The following ENSA variants were observed in gnomAD, a reference collection of about 807,000 sequenced individuals.
ENSA encodes endosulfine alpha, also known as alpha-endosulfine.
A neutral mutation model predicts 16.8 loss-of-function variants in ENSA; 7 were observed. The ratio of observed to expected loss-of-function variants is 0.42; its 90% confidence interval spans 0.24 to 0.78. The LOEUF (loss-of-function observed/expected upper bound fraction) is 0.78, where lower values mean the gene tolerates loss of function less well. Ranked by LOEUF, ENSA falls within the 30% of genes least tolerant of loss-of-function variation. ENSA has a pLI of 0.29. For synonymous variants in ENSA, 58 were observed against 53.4 expected (o/e 1.09, Z -0.37); for missense variants, 87 against 142.3 (o/e 0.61, Z 1.98).
intron 3 of ENSA, chr1:150,623,453 G>A: frequency 1.0e-6 from 1 of 985,802 alleles, no homozygotes; most frequent in Non-Finnish European, 1.2e-6. Flanking sequence ...GAGAGACAGA[G>A]TGAGACCAAC....
rs376642323 is a variant in ENSA at position 150,629,401 on chromosome 1, C to T, written c.57+13G>A. On this transcript the variant is annotated intron_variant, in intron 1 of 3. Coordinates refer to ENST00000369014, the MANE Select transcript of ENSA (RefSeq NM_004436.4). ...TCTCCCCAGCTCGCCCGCCCGCACC[C>T]CTTCCACTTCACCTGCTTCTCCTCG... 1.1e-5 allele frequency: 17 copies of T among 1,612,236 alleles called. No individual in the cohort carries two copies. Among genetic ancestry groups the T allele is most frequent in the Non-Finnish European group, 1.4e-5 (17 of 1,179,044 alleles).
chr1:150,627,010 T>C (rs1649378683), intron 2 of ENSA: 1 of 1,104,910 alleles, frequency 9.1e-7, no homozygotes, highest in South Asian at 2.9e-5. Flanking sequence ...GTATAATTAA[T>C]GGCTGGTGCT....
chr1:150,625,455 C>G, intron 3 of ENSA, 187 bp downstream of exon 3: 2 of 1,311,518 alleles, frequency 1.5e-6, no homozygotes, highest in Non-Finnish European at 1.9e-6. Flanking sequence ...AAGTGTCAAT[C>G]TAACGAAATA....
rs1182064145 is a variant in ENSA at position 150,622,228 on chromosome 1, CCA to C, written c.*614_*615del. 4 of 152,202 alleles carry C rather than the reference CCA, an allele frequency of 2.6e-5. No homozygotes were observed. The highest frequency in any genetic ancestry group is 5.9e-5 in the Non-Finnish European group (4 of 68,052). 9.4% of individuals were successfully genotyped at this position (152,202 alleles called of 1,614,324 possible). ...TCCCCACGCTCACGGCTCCTTTCTC[CCA>C]CACTCACTGCCCTTCTTCCCACAGC... is the stretch of plus-strand genomic sequence containing the variant. On this transcript the variant is annotated 3_prime_UTR_variant, in exon 4 of 4. Coordinates refer to ENST00000369014, the MANE Select transcript of ENSA (RefSeq NM_004436.4).
chr1:150,627,446 G>C (rs1276977316), intron 2 of ENSA, 21 bp downstream of exon 2: 1 of 1,614,222 alleles, frequency 6.2e-7, no homozygotes, highest in African/African-American at 1.3e-5. Flanking sequence ...AAGAAAGAGG[G>C]TAAGAGACTA....
At chr1:150,629,250 G>A (rs767953285) in intron 1 of ENSA, 164 bp downstream of exon 1, 5 of 1,517,930 alleles carry the variant, frequency 3.3e-6, no homozygotes, top group East Asian at 4.5e-5. Context: ...CAACTAACCA[G>A]CGCCAAAGCA....
chr1:150,629,556 T>G lies in ENSA; in HGVS notation c.-86A>C, dbSNP rs1000836365. 58 of 1,521,260 alleles carry G rather than the reference T, an allele frequency of 3.8e-5. No individual in the cohort carries two copies. The highest frequency in any genetic ancestry group is 5.0e-5 in the Non-Finnish European group (56 of 1,119,736). 94.2% of individuals were successfully genotyped at this position (1,521,260 alleles called of 1,614,324 possible). On this transcript the variant is annotated 5_prime_UTR_variant, in exon 1 of 4. Coordinates refer to ENST00000369014, the MANE Select transcript of ENSA (RefSeq NM_004436.4). ...GAGGGGAAACGGGGACAACCTGCGC[T>G]GCTGCTTCGGCTCCTGTCACTAGGG... is the stretch of plus-strand genomic sequence containing the variant.
Position 150,622,834 on chromosome 1 carries a change from C to G in ENSA, c.*10G>C. The G allele has an allele frequency of 6.4e-7, 1 of 1,559,740 alleles. No individual in the cohort carries two copies. Among genetic ancestry groups the G allele is most frequent in the Non-Finnish European group, 8.7e-7 (1 of 1,151,852 alleles). Reference sequence around the variant, plus strand: ...AAGCGTCTCAGGATCTGGCAGAGCCCCGGGCAGCATCATTCAACTTGGCCA... The same window carrying G: ...AAGCGTCTCAGGATCTGGCAGAGCCGCGGGCAGCATCATTCAACTTGGCCA... On this transcript the variant is annotated 3_prime_UTR_variant, in exon 4 of 4. Transcript: ENST00000369014.
At position 150,626,740 on chromosome 1, in the gene ENSA, T is replaced by C. The variant is rs587738131; in HGVS notation, c.183+727A>G. 9.2e-4 allele frequency among the ~76,000 whole-genome samples: 140 copies of C among 152,288 alleles called. 1 individual carries two copies. The highest frequency in any genetic ancestry group is 3.3e-3 in the African/African-American group (137 of 41,556). ...CCCGGCTAAGTGTTTGTATTATTAA[T>C]AGAGACGGGGTTTCACTATGGTCTC... On this transcript the variant is annotated intron_variant, in intron 2 of 3. Coordinates refer to ENST00000369014, the MANE Select transcript of ENSA (RefSeq NM_004436.4).
At chr1:150,624,948 A>T in intron 3 of ENSA, 2 of 984,046 alleles carry the variant, frequency 2.0e-6, no homozygotes, top group Non-Finnish European at 2.4e-6. Context: ...CTCCTAAACC[A>T]GTGCTCGTCC....
chr1:150,625,600 T>A, intron 3 of ENSA, 42 bp downstream of exon 3: 1 of 1,545,496 alleles, frequency 6.5e-7, no homozygotes, highest in Non-Finnish European at 8.7e-7. Context: ...TATATAAACG[T>A]CCAGTGGTTG....
At chr1:150,629,243 C>T in intron 1 of ENSA, 171 bp downstream of exon 1, 2 of 1,526,264 alleles carry the variant, frequency 1.3e-6, no homozygotes, top group South Asian at 2.4e-5. Context: ...AACGACCCAA[C>T]TAACCAGCGC....
chr1:150,629,017 C>T (rs750468165), intron 1 of ENSA: 3 of 1,602,424 alleles, frequency 1.9e-6, no homozygotes, highest in East Asian at 2.2e-5. Context: ...CCTATCTTTG[C>T]GGATTGAGGC....
In ENSA at chr1:150,629,186, G is replaced by A. The variant is rs908245420; in HGVS notation, c.57+228C>T. On this transcript the variant is annotated intron_variant, in intron 1 of 3. Coordinates refer to ENST00000369014, the MANE Select transcript of ENSA (RefSeq NM_004436.4). ...TTATAGCACAGCGTCCAAGGTTTGA[G>A]CGGTAGGCCTATTGGCCAATCAGGA... 1.5e-5 allele frequency: 24 copies of A among 1,610,960 alleles called. No individual in the cohort carries two copies. In the African/African-American group the frequency reaches 2.1e-4, roughly 14 times the overall value.
Position 150,629,587 on chromosome 1 carries a change from C to T in ENSA, c.-117G>A. On this transcript the variant is annotated 5_prime_UTR_variant, in exon 1 of 4. Coordinates refer to ENST00000369014, the MANE Select transcript of ENSA (RefSeq NM_004436.4). ...TTCGGCTCCTGTCACTAGGGTTGCTCAGTCAAAATGGCGGCCCTTGCCCGT... is the reference window on the plus strand; with the variant it reads ...TTCGGCTCCTGTCACTAGGGTTGCTTAGTCAAAATGGCGGCCCTTGCCCGT... 1 of 1,340,234 alleles carries T rather than the reference C, an allele frequency of 7.5e-7. No homozygotes were observed. Among genetic ancestry groups the T allele is most frequent in the Non-Finnish European group, 1.0e-6 (1 of 974,114 alleles). The allele number at this position is 1,340,234 out of a possible 1,614,324, so 83.0% of individuals were successfully genotyped here.
At chr1:150,624,296 C>T (rs1160740870) in intron 3 of ENSA, 11 of 985,830 alleles carry the variant, frequency 1.1e-5, no homozygotes, top group African/African-American at 1.7e-5. Context: ...CCCCAGCTTC[C>T]TCCAAGGTGA....
At chr1:150,624,906 G>A (rs1649194799) in intron 3 of ENSA, 3 of 969,096 alleles carry the variant, frequency 3.1e-6, no homozygotes, top group Non-Finnish European at 3.7e-6. Context: ...GCTCTGCTGG[G>A]ACTGAGTAGA....
chr1:150,627,502 C>T lies in ENSA; in HGVS notation c.148G>A (p.Gly50Ser). 1 of 1,614,234 alleles carries T rather than the reference C, an allele frequency of 6.2e-7. No homozygotes were observed. The highest frequency in any genetic ancestry group is 8.5e-7 in the Non-Finnish European group (1 of 1,180,044). ...AGTCTCTTCATGAGGAAGTCGGAGC[C>T]TCCAGGCTTTTGTCCTAGGCTTGGG... ...KYPSLGQKPG[G>S]SDFLMKRLQK... Residue 50 changes from glycine to serine, a missense_variant, in exon 2 of 4, where the codon GGC (glycine) becomes AGC (serine). Gly to Ser is a moderately conservative substitution (Grantham distance 56, BLOSUM62 0). Coordinates refer to ENST00000369014, the MANE Select transcript of ENSA (RefSeq NM_004436.4).
rs1378384406 is a variant in ENSA at position 150,626,394 on chromosome 1, G to T, written c.184-586C>A. 15 of 1,393,134 alleles carry T rather than the reference G, an allele frequency of 1.1e-5. No individual in the cohort carries two copies. In the South Asian group the frequency reaches 1.4e-4, roughly 13 times the overall value. 86.3% of individuals were successfully genotyped at this position (1,393,134 alleles called of 1,614,324 possible). ...CCTGCCCACGCCTGCCTTGCCTCCA[G>T]CAAGGTAAATGCAAATCAGCATCAC... On this transcript the variant is annotated intron_variant, in intron 2 of 3. Coordinates refer to ENST00000369014, the MANE Select transcript of ENSA (RefSeq NM_004436.4).
Sources: gnomAD v4.1 joint callset for allele counts (sites outside exome capture counted in the v4.1 genomes callset) on GRCh38, gnomAD v4.1.1 for gene constraint, MANE v1.5 for transcripts, NCBI Gene and HGNC (gene_info 2026-07-23, HGNC 2026-07-21) for gene names.